WHRN: variants seen among roughly 807,000 people sequenced by gnomAD.
WHRN encodes whirlin.
In WHRN, 41 loss-of-function variants were observed where a neutral mutation model predicts 68.3. That is an observed-to-expected ratio of 0.60 (90% confidence interval 0.47 to 0.78). The LOEUF (loss-of-function observed/expected upper bound fraction) is 0.78, where lower values mean the gene tolerates loss of function less well. WHRN is among the 30% of genes least tolerant of loss of function. The probability of loss-of-function intolerance (pLI) is 0.00; values close to 1 mark genes in which losing one functional copy is unlikely to be tolerated. For synonymous variants in WHRN, 560 were observed against 561.3 expected, an observed-to-expected ratio of 1.00 and a Z score of 0.03; for missense variants, 1,243 against 1,244.7, an observed-to-expected ratio of 1.00 and a Z score of 0.02.
intron 3 of WHRN, among the ~76,000 whole-genome samples, chr9:114,459,157 T>C (rs189371722): frequency 2.0e-5 from 3 of 152,288 alleles, no homozygotes; most frequent in Admixed American, 2.0e-4. Context: ...TCCCAATTTA[T>C]AGATGGGTTA....
At chr9:114,451,375 G>A (rs1311900641) in intron 3 of WHRN, among the ~76,000 whole-genome samples, 1 of 152,154 alleles carries the variant, frequency 6.6e-6, no homozygotes, top group Non-Finnish European at 1.5e-5. Context: ...CTTTATCAGT[G>A]AAATAGGCAT....
intron 7 of WHRN, among the ~76,000 whole-genome samples, chr9:114,415,252 C>A (rs775292183): frequency 1.2e-4 from 18 of 150,700 alleles, no homozygotes; most frequent in Admixed American, 2.7e-4. Flanking sequence ...AGTGAGCTAC[C>A]CCAACAGAGA....
In WHRN at chr9:114,403,239, AGGGGCTGGCGGGTGTTGGCGCCACCC is replaced by A; in HGVS notation, c.2493_2518del (p.Glu831AspfsTer3). ...TACCTGAATAGTGACAATCCTAGGC[AGGGGCTGGCGGGTGTTGGCGCCACCC>A]TCGATGGCGATGCCCAGGGTGGCCG... On this transcript the variant is annotated frameshift_variant, in exon 11 of 12. Transcript: ENST00000362057. LOFTEE classifies it high-confidence loss of function. 1 of 1,614,198 alleles carries A rather than the reference AGGGGCTGGCGGGTGTTGGCGCCACCC, an allele frequency of 6.2e-7. No individual in the cohort carries two copies. The highest frequency in any genetic ancestry group is 1.6e-4 in the Middle Eastern group (1 of 6,062).
intron 1 of WHRN, among the ~76,000 whole-genome samples, chr9:114,501,099 G>A (rs1382997217): frequency 6.6e-6 from 1 of 152,214 alleles, no homozygotes; most frequent in Non-Finnish European, 1.5e-5. Flanking sequence ...CCCAGAGAGG[G>A]TCAGTGACTT....
At chr9:114,498,174 C>T (rs553076531) in intron 1 of WHRN, among the ~76,000 whole-genome samples, 27 of 152,082 alleles carry the variant, frequency 1.8e-4, no homozygotes, top group Admixed American at 3.3e-4. Context: ...TACTGTGTGC[C>T]GGGAGCTGGG....
chr9:114,499,157 C>T lies in WHRN; in HGVS notation c.618+5027G>A, dbSNP rs540566481. On this transcript the variant is annotated intron_variant, in intron 1 of 11. Transcript: ENST00000362057. Reference sequence around the variant, plus strand: ...TTGAAAAAATAAATAACCACAAGTGCACTTGCCCCATGATGCTGCTTCCTG... The same window carrying T: ...TTGAAAAAATAAATAACCACAAGTGTACTTGCCCCATGATGCTGCTTCCTG... Among the ~76,000 whole-genome samples the T allele has an allele frequency of 2.6e-5, 4 of 152,290 alleles. No homozygotes were observed. In the South Asian group the frequency reaches 8.3e-4, roughly 32 times the overall value.
chr9:114,449,235 C>T (rs915745877), intron 3 of WHRN, among the ~76,000 whole-genome samples: 5 of 152,198 alleles, frequency 3.3e-5, no homozygotes, highest in Non-Finnish European at 7.3e-5. Context: ...ATGACATTTC[C>T]GGGGCCAGTC....
At chr9:114,427,036 GGGAGGACTACTTAAGCCCA>G (rs1385507401) in intron 3 of WHRN, among the ~76,000 whole-genome samples, 2 of 152,182 alleles carry the variant, frequency 1.3e-5, no homozygotes, top group Non-Finnish European at 2.9e-5. Context: ...GGAATAAGGT[GGGAGGACTACTTAAGCCCA>G]GTAGTTGCAG....
chr9:114,426,981 T>G (rs2132416786), intron 3 of WHRN, among the ~76,000 whole-genome samples: 1 of 152,350 alleles, frequency 6.6e-6, no homozygotes, highest in Admixed American at 6.5e-5. Flanking sequence ...AAAAAATATT[T>G]CTGGCAGGTA....
At chr9:114,415,023 G>A (rs141645332) in intron 7 of WHRN, among the ~76,000 whole-genome samples, 2 of 152,306 alleles carry the variant, frequency 1.3e-5, no homozygotes, top group Non-Finnish European at 2.9e-5. Flanking sequence ...AGGGCTGGGT[G>A]CTGTGGCTCA....
chr9:114,406,920 G>C, intron 8 of WHRN, 28 bp from the exon 9 acceptor site: 1 of 1,554,168 alleles, frequency 6.4e-7, no homozygotes, highest in Non-Finnish European at 8.7e-7. Flanking sequence ...AGGCGGAGAA[G>C]GAGTCAGACC....
At chr9:114,492,092 T>A (rs1324020727) in intron 1 of WHRN, among the ~76,000 whole-genome samples, 1 of 151,584 alleles carries the variant, frequency 6.6e-6, no homozygotes. Context: ...TCTAACAGAT[T>A]GATAAAAATG....
intron 2 of WHRN, among the ~76,000 whole-genome samples, chr9:114,475,345 G>T (rs1466734697): frequency 6.6e-6 from 1 of 152,088 alleles, no homozygotes; most frequent in Non-Finnish European, 1.5e-5. Context: ...TGAGCACTCT[G>T]CACCCTGCCC....
At chr9:114,433,195 T>G (rs765396007) in intron 3 of WHRN, among the ~76,000 whole-genome samples, 1 of 152,234 alleles carries the variant, frequency 6.6e-6, no homozygotes, top group African/African-American at 2.4e-5. Context: ...CTTTAGGCCA[T>G]GCACTCAGTA....
At chr9:114,435,930 T>A (rs1283979871) in intron 3 of WHRN, among the ~76,000 whole-genome samples, 5 of 152,228 alleles carry the variant, frequency 3.3e-5, no homozygotes, top group African/African-American at 1.2e-4. Context: ...ACAAATAAAA[T>A]ATCCCCTTTT....
At chr9:114,429,763 CCT>C (rs925422344) in intron 3 of WHRN, among the ~76,000 whole-genome samples, 6 of 152,186 alleles carry the variant, frequency 3.9e-5, no homozygotes, top group Non-Finnish European at 7.3e-5. Flanking sequence ...TCCCTCCTCC[CCT>C]CTCTCTCCCA....
intron 1 of WHRN, among the ~76,000 whole-genome samples, chr9:114,501,650 G>A (rs1490606778): frequency 2.0e-5 from 3 of 150,610 alleles, no homozygotes; most frequent in African/African-American, 7.3e-5. Context: ...TCCATCGCAG[G>A]AAAAAAAATA....
intron 7 of WHRN, among the ~76,000 whole-genome samples, chr9:114,409,758 C>A (rs1156589758): frequency 6.6e-6 from 1 of 151,864 alleles, no homozygotes; most frequent in Non-Finnish European, 1.5e-5. Flanking sequence ...CAAAACCTAA[C>A]CCACCTGTCA....
intron 7 of WHRN, among the ~76,000 whole-genome samples, chr9:114,413,744 T>G (rs1835622447): frequency 6.6e-6 from 1 of 152,184 alleles, no homozygotes; most frequent in African/African-American, 2.4e-5. Flanking sequence ...TACCAGCCTG[T>G]CTATTCTGGC....
Sources: gnomAD v4.1 joint callset for allele counts (sites outside exome capture counted in the v4.1 genomes callset) on GRCh38, gnomAD v4.1.1 for gene constraint, MANE v1.5 for transcripts, NCBI Gene and HGNC (gene_info 2026-07-23, HGNC 2026-07-21) for gene names.